Variants in NYAP2 observed in about 807,000 individuals in gnomAD.
NYAP2 encodes the protein neuronal tyrosine-phosphorylated phosphoinositide-3-kinase adaptor 2, also known as neuronal tyrosine-phosphorylated phosphoinositide-3-kinase adapter 2.
Under a neutral mutation model 50.4 loss-of-function variants are expected in NYAP2, and 23 were observed. The observed-to-expected ratio is 0.46, with a 90% CI of 0.33 to 0.65. NYAP2 has a LOEUF of 0.65. Ranked by LOEUF, NYAP2 falls within the 30% of genes least tolerant of loss-of-function variation. NYAP2 has a pLI of 0.02. For synonymous variants in NYAP2, 394 were observed against 365.2 expected, an observed-to-expected ratio of 1.08 and a Z score of -0.90; for missense variants, 885 against 861.0, an observed-to-expected ratio of 1.03 and a Z score of -0.35.
At chr2:225,678,738 C>G in the NYAP2 span, among the ~76,000 whole-genome samples, 6 of 152,216 alleles carry the variant, frequency 3.9e-5, no homozygotes, top group East Asian at 7.8e-4. Context: ...GGTATTTCAA[C>G]TGAAATACTA....
intron 4 of NYAP2, among the ~76,000 whole-genome samples, chr2:225,537,302 G>A (rs1003385998): frequency 2.6e-5 from 4 of 151,924 alleles, no homozygotes; most frequent in East Asian, 1.9e-4. Context: ...CACAAATGTC[G>A]GTATCTCACT....
intron 4 of NYAP2, among the ~76,000 whole-genome samples, chr2:225,514,107 A>G (rs1416222582): frequency 6.6e-6 from 1 of 152,198 alleles, no homozygotes; most frequent in Non-Finnish European, 1.5e-5. Context: ...GAATTTATGT[A>G]TTTATGTGTG....
chr2:225,631,119 T>C (rs1484239119), intron 6 of NYAP2, among the ~76,000 whole-genome samples: 3 of 152,198 alleles, frequency 2.0e-5, no homozygotes, highest in African/African-American at 7.2e-5. Context: ...GGTAAATACA[T>C]AGAAATGAAA....
At chr2:225,471,415 A>G (rs1690010681) in intron 3 of NYAP2, among the ~76,000 whole-genome samples, 1 of 152,250 alleles carries the variant, frequency 6.6e-6, no homozygotes. Flanking sequence ...ATGTTTGAAA[A>G]TAATATTTTC....
chr2:225,603,476 A>G (rs1692731732), intron 5 of NYAP2, among the ~76,000 whole-genome samples: 1 of 152,086 alleles, frequency 6.6e-6, no homozygotes, highest in Non-Finnish European at 1.5e-5. Flanking sequence ...TTTTATTTTT[A>G]TTTTGAGACA....
intron 5 of NYAP2, among the ~76,000 whole-genome samples, chr2:225,602,297 G>C (rs939906033): frequency 6.6e-6 from 1 of 152,200 alleles, no homozygotes; most frequent in African/African-American, 2.4e-5. Context: ...CAATTACGGA[G>C]AGGTAGGCAT....
At chr2:225,689,234 C>A in the NYAP2 span, among the ~76,000 whole-genome samples, 1 of 152,226 alleles carries the variant, frequency 6.6e-6, no homozygotes. Context: ...GTGTTTTCCT[C>A]ATTTTACAGG....
chr2:225,637,137 A>G (rs748456), intron 6 of NYAP2, among the ~76,000 whole-genome samples: 79,782 of 151,958 alleles, frequency 0.53, 21,444 homozygotes, highest in Admixed American at 0.66. Flanking sequence ...TCATTGACAA[A>G]AAGTTAAAGT....
intron 4 of NYAP2, among the ~76,000 whole-genome samples, chr2:225,530,000 C>T (rs1056109232): frequency 7.9e-5 from 12 of 152,206 alleles, no homozygotes; most frequent in African/African-American, 2.2e-4. Context: ...AGCCACCGTG[C>T]CTGGCCTCAG....
chr2:225,487,348 G>A (rs1690319677), intron 3 of NYAP2, among the ~76,000 whole-genome samples: 1 of 151,898 alleles, frequency 6.6e-6, no homozygotes, highest in Non-Finnish European at 1.5e-5. Flanking sequence ...TTTCTAATTG[G>A]TAACTTTCTT....
At chr2:225,651,385 C>T (rs1277772610) in intron 6 of NYAP2, 47 bp from the exon 7 acceptor site, 1 of 1,612,452 alleles carries the variant, frequency 6.2e-7, no homozygotes, top group South Asian at 1.1e-5. Flanking sequence ...CTTCATTATT[C>T]CAGATGTCAG....
Position 225,475,118 on chromosome 2 carries a change from G to A in NYAP2, c.222-38253G>A, listed in dbSNP as rs137956830. 4.8e-3 allele frequency among the ~76,000 whole-genome samples: 736 copies of A among 152,242 alleles called. 6 individuals are homozygous for A. The highest frequency in any genetic ancestry group is 8.6e-3 in the Non-Finnish European group (582 of 68,020). ...ACTTTTGAAAGTACAGAAAACTATA[G>A]CAAAAGCATAAGAAAATAAAGTCAT... On this transcript the variant is annotated intron_variant, in intron 3 of 6. Transcript: ENST00000636099.
chr2:225,621,337 C>T lies in NYAP2; in HGVS notation c.1619-5580C>T, dbSNP rs116008760. On this transcript the variant is annotated intron_variant, in intron 5 of 6. Transcript: ENST00000636099. ...GGTTAAATTATCTTTAATTATTGTG[C>T]GGGAATATATTGCCTTTACAATATT... Among the ~76,000 whole-genome samples, 666 of 152,210 alleles carry T rather than the reference C, an allele frequency of 4.4e-3. 6 individuals are homozygous for T. The highest frequency in any genetic ancestry group is 0.014 in the African/African-American group (590 of 41,534).
At position 225,488,259 on chromosome 2, in the gene NYAP2, T is replaced by A. The variant is rs1171482870; in HGVS notation, c.222-25112T>A. On this transcript the variant is annotated intron_variant, in intron 3 of 6. Coordinates refer to ENST00000636099, the Ensembl canonical transcript of NYAP2. ...ATAAGTGCCAGGAAAAGAATGATAATCCTTAACCTTTAAAAATAAAATAAA... is the reference window on the plus strand; with the variant it reads ...ATAAGTGCCAGGAAAAGAATGATAAACCTTAACCTTTAAAAATAAAATAAA... Among the ~76,000 whole-genome samples the A allele has an allele frequency of 1.3e-5, 2 of 152,204 alleles. 1 individual carries two copies. The highest frequency in any genetic ancestry group is 2.9e-5 in the Non-Finnish European group (2 of 68,036).
chr2:225,417,506 G>T (rs1695145688), intron 3 of NYAP2, among the ~76,000 whole-genome samples: 1 of 151,936 alleles, frequency 6.6e-6, no homozygotes, highest in Admixed American at 6.6e-5. Context: ...TAGCCAGCCT[G>T]CTAGGAAGCA....
intron 3 of NYAP2, among the ~76,000 whole-genome samples, chr2:225,467,341 C>G (rs1255598702): frequency 6.6e-6 from 1 of 152,136 alleles, no homozygotes; most frequent in Non-Finnish European, 1.5e-5. Flanking sequence ...TGACTCACCC[C>G]TTGCACCAGC....
chr2:225,412,983 T>C (rs1383498763), intron 3 of NYAP2, among the ~76,000 whole-genome samples: 1 of 152,064 alleles, frequency 6.6e-6, no homozygotes, highest in East Asian at 1.9e-4. Flanking sequence ...CCTGGTGAGG[T>C]CAATCATATC....
intron 2 of NYAP2, 81 bp downstream of exon 2, chr2:225,401,124 T>A (rs1198254086): frequency 6.6e-6 from 1 of 152,478 alleles, no homozygotes; most frequent in Admixed American, 6.6e-5. Flanking sequence ...GGTGATAAAA[T>A]GGAATGGATT....
intron 4 of NYAP2, among the ~76,000 whole-genome samples, chr2:225,552,753 T>A (rs769093746): frequency 6.6e-6 from 1 of 152,172 alleles, no homozygotes; most frequent in Non-Finnish European, 1.5e-5. Flanking sequence ...TGCAGTGGCG[T>A]GATCTCGGCT....
Sources: allele counts gnomAD v4.1 joint callset (sites outside exome capture counted in the v4.1 genomes callset), GRCh38; gene constraint gnomAD v4.1.1; transcripts MANE v1.5; gene names NCBI Gene and HGNC (gene_info 2026-07-23, HGNC 2026-07-21).